Variants in UBR1 observed in about 807,000 individuals in gnomAD.
The protein encoded by UBR1 is ubiquitin protein ligase E3 component n-recognin 1.
UBR1 carries 102 observed loss-of-function variants against 242.1 expected under a neutral mutation model. That is an observed-to-expected ratio of 0.42 (90% CI 0.36 to 0.50). UBR1 has a LOEUF of 0.50. Among genes scored for constraint, UBR1 ranks in the 20% least tolerant of loss-of-function variants. The pLI is 0.01. For synonymous variants in UBR1, 675 were observed against 684.8 expected (o/e 0.99, Z 0.22); for missense variants, 1,772 against 2,101.8 (o/e 0.84, Z 3.07).
chr15:43,059,214 C>G (rs764126976), intron 8 of UBR1, 22 bp from the exon 9 acceptor site: 7 of 1,589,042 alleles, frequency 4.4e-6, no homozygotes, highest in Non-Finnish European at 6.0e-6. Context: ...AGAGGTCACA[C>G]AGTTACACAA....
At chr15:42,988,267 A>ATGTGTGTGTG (rs774155766) in intron 35 of UBR1, among the ~76,000 whole-genome samples, 8 of 113,708 alleles carry the variant, frequency 7.0e-5, no homozygotes, top group African/African-American at 2.1e-4. Flanking sequence ...CTAAAGGAAT[A>ATGTGTGTGTG]TATGTGTGTG....
chr15:42,980,675 C>A (rs142831490), intron 37 of UBR1, among the ~76,000 whole-genome samples: 3 of 152,228 alleles, frequency 2.0e-5, no homozygotes, highest in Non-Finnish European at 4.4e-5. Flanking sequence ...GTAGTACAAT[C>A]ATGGCTTACT....
chr15:43,105,821 G>A, intron 1 of UBR1, 121 bp downstream of exon 1: 1 of 952,364 alleles, frequency 1.1e-6, no homozygotes, highest in Non-Finnish European at 1.7e-6. Flanking sequence ...CTTCCTTCCA[G>A]ATCAATCCAG....
chr15:43,036,637 T>C, intron 17 of UBR1, 44 bp from the exon 18 acceptor site: 1 of 1,361,388 alleles, frequency 7.3e-7, no homozygotes. Flanking sequence ...AATTATTTTA[T>C]TTCAAGCAAA....
chr15:43,080,171 G>C (rs370546389), intron 3 of UBR1, among the ~76,000 whole-genome samples: 1 of 152,168 alleles, frequency 6.6e-6, no homozygotes, highest in African/African-American at 2.4e-5. Context: ...ATACAAAAGT[G>C]AATAAGCATG....
At chr15:43,092,537 C>A (rs1458056782) in intron 1 of UBR1, among the ~76,000 whole-genome samples, 1 of 152,094 alleles carries the variant, frequency 6.6e-6, no homozygotes, top group Admixed American at 6.6e-5. Context: ...TAACATTAAG[C>A]CTTCTATAAC....
intron 3 of UBR1, 86 bp downstream of exon 3, chr15:43,082,552 G>C: frequency 1.0e-6 from 1 of 997,834 alleles, no homozygotes; most frequent in East Asian, 2.5e-5. Flanking sequence ...AGCTGTTATA[G>C]CAGGAATGTG....
intron 21 of UBR1, among the ~76,000 whole-genome samples, chr15:43,029,163 G>A (rs1878997847): frequency 6.7e-6 from 1 of 149,794 alleles, no homozygotes; most frequent in South Asian, 2.1e-4. Flanking sequence ...TCTTTGGAAA[G>A]CCTTGACAGC....
At chr15:43,002,477 T>G in intron 32 of UBR1, 78 bp downstream of exon 32, 8 of 1,515,818 alleles carry the variant, frequency 5.3e-6, no homozygotes, top group Non-Finnish European at 7.2e-6. Context: ...CATCTCAGTC[T>G]CCCAAAGTGC....
chr15:43,081,755 G>A (rs143312373), intron 3 of UBR1, among the ~76,000 whole-genome samples: 1,541 of 151,982 alleles, frequency 0.01, 18 homozygotes, highest in African/African-American at 0.035. Context: ...TTTTTGCTCA[G>A]TCTATCTCTT....
chr15:42,954,862 C>T (rs925323327), intron 44 of UBR1, among the ~76,000 whole-genome samples: 1 of 152,076 alleles, frequency 6.6e-6, no homozygotes, highest in Non-Finnish European at 1.5e-5. Context: ...ATCCACCGCA[C>T]CTGGCCTCAA....
In UBR1 at chr15:43,105,961, G is replaced by T. The variant is rs1262786849; in HGVS notation, c.62C>A (p.Thr21Asn). 1.9e-6 allele frequency: 3 copies of T among 1,613,946 alleles called. No individual in the cohort carries two copies. In the Admixed American group the frequency reaches 5.0e-5, roughly 27 times the overall value. ...ACTTACAGATGCCAGACGCTGAGGG[G>T]TCTGGGGTAACTCCGCGCTGATTTC... ...RMEISAELPQ[T>N]PQRLASWWDQ... Residue 21 changes from threonine (T) to asparagine (N), a missense_variant, in exon 1 of 47, where the codon ACC becomes AAC. This residue lies in a region of UBR1 where 734 missense variants were observed against 893.3 expected (regional missense o/e 0.82). Transcript: ENST00000290650.
Position 42,976,781 on chromosome 15 carries a change from G to T in UBR1, c.4305C>A (p.His1435Gln). 1 of 1,614,076 alleles carries T rather than the reference G, an allele frequency of 6.2e-7. No homozygotes were observed. Among genetic ancestry groups the T allele is most frequent in the Non-Finnish European group, 8.5e-7 (1 of 1,179,996 alleles). Residue 1435 changes from histidine to glutamine, a missense_variant, in exon 39 of 47, where the codon CAC (histidine) becomes CAA (glutamine). Transcript: ENST00000290650. ...QPSSVSSSYN[H>Q]LYLFHLITMA... ...TGGTGATCAAATGGAAGAGATAAAG[G>T]TGGTTATAGGAAGAACTAACTGAAG...
chr15:42,957,111 G>A (rs2031933442), intron 44 of UBR1, among the ~76,000 whole-genome samples: 1 of 151,876 alleles, frequency 6.6e-6, no homozygotes, highest in African/African-American at 2.4e-5. Flanking sequence ...AGTCAAAAGG[G>A]GGAAACAACC....
In UBR1 at chr15:43,002,565, T is replaced by G. The variant is rs747644799; in HGVS notation, c.3649A>C (p.Lys1217Gln). The G allele has an allele frequency of 3.5e-5, 56 of 1,613,976 alleles. No individual in the cohort carries two copies. The highest frequency in any genetic ancestry group is 4.0e-5 in the African/African-American group (3 of 74,908). The change falls in exon 32 of 47, where the codon AAG (lysine) becomes CAG (glutamine). Residue 1217 changes from lysine (K) to glutamine (Q), a missense_variant. By Grantham distance (53) the Lys-to-Gln change is moderately conservative. Coordinates refer to ENST00000290650, the MANE Select transcript of UBR1 (RefSeq NM_174916.3). ...VIPIIPLQPQ[K>Q]INSENADALA... is the part of the protein sequence containing the mutation. ...TAAATTAAAATATACCTGTTTATCT[T>G]TTGAGGTTGCAAAGGAATAATGGGG...
chr15:43,036,750 C>T (rs999912362), intron 17 of UBR1, among the ~76,000 whole-genome samples, 157 bp from the exon 18 acceptor site: 1 of 152,028 alleles, frequency 6.6e-6, no homozygotes, highest in Non-Finnish European at 1.5e-5. Context: ...CTTAAAGGGA[C>T]TAGCGAGGAT....
intron 35 of UBR1, among the ~76,000 whole-genome samples, chr15:42,988,251 T>C (rs1238496829): frequency 6.6e-6 from 1 of 150,786 alleles, no homozygotes; most frequent in Non-Finnish European, 1.5e-5. Flanking sequence ...TCCTTTAATA[T>C]AGATACTAAA....
At chr15:43,005,489 G>T (rs948705345) in intron 30 of UBR1, among the ~76,000 whole-genome samples, 1 of 151,576 alleles carries the variant, frequency 6.6e-6, no homozygotes, top group African/African-American at 2.4e-5. Context: ...CCCCTGCCCA[G>T]CCAGCCGCTC....
At chr15:42,976,975 GTGTT>G in intron 38 of UBR1, 108 bp from the exon 39 acceptor site, 1 of 1,237,066 alleles carries the variant, frequency 8.1e-7, no homozygotes, top group South Asian at 1.3e-5. Context: ...GTTTGTGTGT[GTGTT>G]TTTTAATAAA....
Sources: gnomAD v4.1 joint callset for allele counts (sites outside exome capture counted in the v4.1 genomes callset) on GRCh38, gnomAD v4.1.1 for gene constraint, gnomAD v4.1.1 regional missense constraint, MANE v1.5 for transcripts, NCBI Gene and HGNC (gene_info 2026-07-23, HGNC 2026-07-21) for gene names.